Variants in DNAH12 observed in about 807,000 individuals in gnomAD.
DNAH12 encodes the protein dynein axonemal heavy chain 12, also known as axonemal beta dynein heavy chain 12.
Under a neutral mutation model 371.5 loss-of-function variants are expected in DNAH12, and 285 were observed. That is an observed-to-expected ratio of 0.77 (90% CI 0.70 to 0.85). The LOEUF is 0.85. DNAH12 is among the 40% of genes least tolerant of loss of function. DNAH12 has a pLI of 0.00. For synonymous variants in DNAH12, 1,200 were observed against 1,213.0 expected, an observed-to-expected ratio of 0.99 and a Z score of 0.22; for missense variants, 3,611 against 3,689.4, an observed-to-expected ratio of 0.98 and a Z score of 0.55.
chr3:57,319,936 A>G (rs141465645), intron 65 of DNAH12, among the ~76,000 whole-genome samples: 1 of 152,228 alleles, frequency 6.6e-6, no homozygotes, highest in Non-Finnish European at 1.5e-5. Context: ...CTTTTTCTGC[A>G]TCTAGTGAGA....
chr3:57,503,925 A>C, intron 9 of DNAH12, 91 bp downstream of exon 9: 7 of 998,224 alleles, frequency 7.0e-6, no homozygotes, highest in East Asian at 2.6e-5. Context: ...AAATAACAGA[A>C]AGAGTCATAA....
At chr3:57,526,863 T>C (rs2068664588) in intron 2 of DNAH12, among the ~76,000 whole-genome samples, 2 of 84,286 alleles carry the variant, frequency 2.4e-5, no homozygotes, top group Admixed American at 2.4e-4. Context: ...AGACAGAGTC[T>C]TACTCTGTCA....
intron 12 of DNAH12, among the ~76,000 whole-genome samples, chr3:57,484,619 A>C (rs2066864794): frequency 6.6e-6 from 1 of 152,164 alleles, no homozygotes; most frequent in Non-Finnish European, 1.5e-5. Flanking sequence ...GCTTCTGGAC[A>C]TTGGCTTAGG....
At chr3:57,412,462 A>T (rs1433273249) in intron 39 of DNAH12, among the ~76,000 whole-genome samples, 1 of 152,170 alleles carries the variant, frequency 6.6e-6, no homozygotes, top group Non-Finnish European at 1.5e-5. Flanking sequence ...AAAATTAACA[A>T]CTTCTGCTCT....
chr3:57,421,453 G>C, intron 36 of DNAH12, 65 bp downstream of exon 36: 1 of 1,481,498 alleles, frequency 6.7e-7, no homozygotes, highest in Non-Finnish European at 9.1e-7. Flanking sequence ...GAAAACCCAG[G>C]AGCTTTGTCT....
chr3:57,351,053 G>A (rs1304088892), intron 60 of DNAH12, among the ~76,000 whole-genome samples: 2 of 151,586 alleles, frequency 1.3e-5, no homozygotes, highest in African/African-American at 2.4e-5. Flanking sequence ...GGCAGATCAC[G>A]AGGTCAGGAG....
At chr3:57,424,470 C>CAAAAAAAAA (rs71088068) in intron 35 of DNAH12, among the ~76,000 whole-genome samples, 2 of 118,364 alleles carry the variant, frequency 1.7e-5, no homozygotes, top group Non-Finnish European at 1.7e-5. Flanking sequence ...GATTCCATCT[C>CAAAAAAAAA]AAAAAAAAAA....
At chr3:57,458,792 C>T (rs112103595) in intron 20 of DNAH12, among the ~76,000 whole-genome samples, 1 of 152,176 alleles carries the variant, frequency 6.6e-6, no homozygotes. Context: ...ACTGCAACGA[C>T]AACAGAATTG....
At chr3:57,295,456 G>A (rs1208695024) in intron 73 of DNAH12, 69 bp downstream of exon 73, 13 of 1,310,664 alleles carry the variant, frequency 9.9e-6, no homozygotes, top group East Asian at 2.6e-5. Context: ...CTTATTTTGG[G>A]GAGCAGTGTA....
At chr3:57,547,306 CTT>C (rs541662460), upstream of DNAH12, among the ~76,000 whole-genome samples, 2 of 144,812 alleles carry the variant, frequency 1.4e-5, no homozygotes, top group East Asian at 2.0e-4. Context: ...AATGTACGTC[CTT>C]TTTTTTTTTA....
At chr3:57,355,146 T>C (rs1184011989) in intron 59 of DNAH12, among the ~76,000 whole-genome samples, 1 of 152,164 alleles carries the variant, frequency 6.6e-6, no homozygotes, top group Non-Finnish European at 1.5e-5. Flanking sequence ...GTACATGAGA[T>C]CTTTATTATT....
At position 57,510,992 on chromosome 3, in the gene DNAH12, GA is replaced by G. The variant is rs2067976876; in HGVS notation, c.280-14del. 1 of 1,570,266 alleles carries G rather than the reference GA, an allele frequency of 6.4e-7. No homozygotes were observed. The highest frequency in any genetic ancestry group is 8.6e-7 in the Non-Finnish European group (1 of 1,164,172). ...AAATATAGTTGAACTGAGAACATAA[GA>G]AAAAATTAAATGTTCTGCATGGTTG... On this transcript the variant is annotated splice_polypyrimidine_tract_variant and intron_variant, in intron 4 of 73. Coordinates refer to ENST00000495027, the MANE Select transcript of DNAH12 (RefSeq NM_001366028.2).
chr3:57,352,272 A>G (rs1553660744), intron 59 of DNAH12, 47 bp from the exon 60 acceptor site: 2 of 1,489,724 alleles, frequency 1.3e-6, no homozygotes, highest in Admixed American at 5.2e-5. Context: ...AAACTAAGAA[A>G]ATATAAGCAA....
At chr3:57,458,722 A>C (rs1310106957) in intron 20 of DNAH12, among the ~76,000 whole-genome samples, 3 of 152,214 alleles carry the variant, frequency 2.0e-5, no homozygotes, top group Non-Finnish European at 2.9e-5. Context: ...AGTGTCCATA[A>C]AATTTTATTG....
chr3:57,446,264 T>C lies in DNAH12; in HGVS notation c.3946A>G (p.Lys1316Glu), dbSNP rs372267827. The C allele has an allele frequency of 4.9e-5, 76 of 1,549,972 alleles. No homozygotes were observed. The African/African-American group carries it at 8.9e-4, about 18-fold the overall frequency. Residue 1316 changes from lysine to glutamate, a missense_variant, in exon 27 of 74, where the codon AAA becomes GAA. Lys to Glu is a moderately conservative substitution (Grantham distance 56). Around this residue, in one of 3 missense-constraint regions of DNAH12, gnomAD observed 2,266 missense variants for 2,236.9 expected, o/e 1.01. Coordinates refer to ENST00000495027, the MANE Select transcript of DNAH12 (RefSeq NM_001366028.2). ...LDYLAMGKFFKGLASSGAWAC... is the reference protein window; with the variant it reads ...LDYLAMGKFFEGLASSGAWAC... ...CAAGCACCAGAAGAAGCCAGTCCTTTAAAAAACTAAGGACAAAGAAAAAGG... is the reference window on the plus strand; with the variant it reads ...CAAGCACCAGAAGAAGCCAGTCCTTCAAAAAACTAAGGACAAAGAAAAAGG...
rs1318229569 is a variant in DNAH12, at chr3:57,470,597, C to T, written c.1951G>A (p.Glu651Lys). 3.9e-6 allele frequency: 6 copies of T among 1,543,000 alleles called. No individual in the cohort carries two copies. In the African/African-American group the frequency reaches 8.3e-5, roughly 21 times the overall value. The change falls in exon 16 of 74, where the codon GAA becomes AAA. Residue 651 changes from glutamate to lysine, a missense_variant. Glu to Lys is a moderately conservative substitution (Grantham distance 56). Transcript: ENST00000495027. Reference protein sequence around the residue: ...DVRQLQKRIQESEEAVQFINK... With the variant: ...DVRQLQKRIQKSEEAVQFINK... ...ATAAACTGCACTGCTTCTTCAGATT[C>T]CTGAATACGTTTTTGTAGTTGTCTT...
At chr3:57,370,244 G>A (rs2063141635) in intron 55 of DNAH12, among the ~76,000 whole-genome samples, 2 of 152,160 alleles carry the variant, frequency 1.3e-5, no homozygotes, top group Admixed American at 1.3e-4. Flanking sequence ...GACATAGTAA[G>A]TGTTTTCATC....
intron 69 of DNAH12, among the ~76,000 whole-genome samples, chr3:57,302,532 TATATATATATATA>T (rs2061370888): frequency 6.3e-4 from 24 of 37,858 alleles, no homozygotes; most frequent in South Asian, 3.4e-3. Flanking sequence ...ATCAGGTGTA[TATATATATATATA>T]TATATATATA....
chr3:57,324,035 T>C (rs1436326255), intron 62 of DNAH12, among the ~76,000 whole-genome samples: 4 of 152,222 alleles, frequency 2.6e-5, no homozygotes, highest in African/African-American at 9.6e-5. Context: ...AAATTACTTA[T>C]GGATCTTCCA....
Sources: gnomAD v4.1 joint callset for allele counts (sites outside exome capture counted in the v4.1 genomes callset) on GRCh38, gnomAD v4.1.1 for gene constraint, gnomAD v4.1.1 regional missense constraint, MANE v1.5 for transcripts, NCBI Gene and HGNC (gene_info 2026-07-23, HGNC 2026-07-21) for gene names.